The following DLG2 variants were observed in gnomAD, a reference collection of about 807,000 sequenced individuals.
The protein encoded by DLG2 is discs large MAGUK scaffold protein 2.
DLG2 carries 45 observed loss-of-function variants against 132.5 expected under a neutral mutation model. That is an observed-to-expected ratio of 0.34 (90% confidence interval 0.27 to 0.44). DLG2 has a LOEUF of 0.44. DLG2 is among the 20% of genes least tolerant of loss of function. The pLI is 1.00. For missense variants in DLG2, 1,045 were observed against 1,196.9 expected (o/e 0.87, Z 1.87); for synonymous variants, 424 against 419.6 (o/e 1.01, Z -0.13).
chr11:85,546,660 T>A (rs1201755917), intron 3 of DLG2, among the ~76,000 whole-genome samples: 1 of 152,196 alleles, frequency 6.6e-6, no homozygotes, highest in Non-Finnish European at 1.5e-5. Flanking sequence ...ACTTGTTTTA[T>A]GAATCTGGGT....
At position 83,753,891 on chromosome 11, in the gene DLG2, A is replaced by T. The variant is rs1023988708; in HGVS notation, c.1825+32799T>A. The stretch of plus-strand genomic sequence containing the variant: ...CATATATATGATATATATCATATAT[A>T]TCATATATATATTTCATATATATTT... On this transcript the variant is annotated intron_variant, in intron 18 of 27. Coordinates refer to ENST00000376104, the MANE Select transcript of DLG2 (RefSeq NM_001142699.3). Among the ~76,000 whole-genome samples the T allele has an allele frequency of 1.3e-4, 8 of 59,376 alleles. 1 individual carries two copies. Among genetic ancestry groups the T allele is most frequent in the Admixed American group, 6.5e-4 (3 of 4,626 alleles). 39.0% of individuals were successfully genotyped at this position (59,376 alleles called of 152,430 possible).
chr11:84,593,575 T>C (rs1208444590), intron 6 of DLG2, among the ~76,000 whole-genome samples: 1 of 152,096 alleles, frequency 6.6e-6, no homozygotes, highest in Non-Finnish European at 1.5e-5. Flanking sequence ...CATGTTCTCA[T>C]TCATAAGTGG....
At chr11:84,697,663 T>A (rs10898285) in intron 6 of DLG2, among the ~76,000 whole-genome samples, 2 of 151,158 alleles carry the variant, frequency 1.3e-5, no homozygotes, top group Non-Finnish European at 3.0e-5. Context: ...ACTATCATTA[T>A]CTCTATTTTA....
intron 11 of DLG2, among the ~76,000 whole-genome samples, chr11:84,051,307 A>G (rs1187444950): frequency 2.0e-5 from 3 of 151,992 alleles, no homozygotes; most frequent in Non-Finnish European, 2.9e-5. Flanking sequence ...TCGTGTTGCT[A>G]GAAAGACACA....
At chr11:85,597,677 A>G (rs1174525572) in intron 3 of DLG2, among the ~76,000 whole-genome samples, 1 of 151,694 alleles carries the variant, frequency 6.6e-6, no homozygotes, top group Non-Finnish European at 1.5e-5. Context: ...TTTTTATCAA[A>G]AAGTACAGAT....
chr11:84,717,577 A>C (rs1449001223), intron 6 of DLG2, among the ~76,000 whole-genome samples: 1 of 152,076 alleles, frequency 6.6e-6, no homozygotes, highest in African/African-American at 2.4e-5. Context: ...ACTTCATTTT[A>C]TGAATGTCAT....
chr11:85,004,291 C>A (rs2058455637), intron 6 of DLG2, among the ~76,000 whole-genome samples: 1 of 152,178 alleles, frequency 6.6e-6, no homozygotes, highest in Non-Finnish European at 1.5e-5. Context: ...TGAAGAATCG[C>A]CAAACTGCCT....
intron 5 of DLG2, among the ~76,000 whole-genome samples, chr11:85,119,250 C>T (rs527359930): frequency 3.3e-5 from 5 of 152,032 alleles, no homozygotes; most frequent in Non-Finnish European, 5.9e-5. Flanking sequence ...AAAACCGATT[C>T]TGCAGTCTGG....
intron 19 of DLG2, among the ~76,000 whole-genome samples, chr11:83,590,286 C>G (rs530294101): frequency 6.6e-6 from 1 of 152,262 alleles, no homozygotes; most frequent in African/African-American, 2.4e-5. Context: ...TTATAACAAA[C>G]AGTCTCTCAG....
chr11:83,692,083 G>GT (rs993741178), intron 18 of DLG2: 1 of 152,084 alleles, frequency 6.6e-6, no homozygotes, highest in African/African-American at 2.4e-5. Context: ...CCGGTAAGTG[G>GT]TAGATCTGAG....
intron 19 of DLG2, among the ~76,000 whole-genome samples, chr11:83,588,635 A>G (rs903963437): frequency 4.6e-5 from 7 of 151,768 alleles, no homozygotes; most frequent in Non-Finnish European, 1.0e-4. Context: ...ACAAAGCTGG[A>G]TGGAGAATGA....
intron 9 of DLG2, among the ~76,000 whole-genome samples, chr11:84,102,918 A>G (rs1326359386): frequency 6.6e-6 from 1 of 152,086 alleles, no homozygotes; most frequent in African/African-American, 2.4e-5. Flanking sequence ...TGGCTCTGGC[A>G]TTTTCTAATA....
intron 3 of DLG2, among the ~76,000 whole-genome samples, chr11:85,347,252 T>C (rs1175822841): frequency 6.6e-6 from 1 of 152,002 alleles, no homozygotes; most frequent in Non-Finnish European, 1.5e-5. Flanking sequence ...CCCCCTAAGC[T>C]TGTCTTGTTT....
chr11:84,563,251 T>C (rs1030133255), intron 6 of DLG2, among the ~76,000 whole-genome samples: 1 of 152,210 alleles, frequency 6.6e-6, no homozygotes, highest in Admixed American at 6.5e-5. Flanking sequence ...TCTCAAAACA[T>C]GATGGTGAGT....
chr11:83,591,833 T>C (rs1247252017), intron 19 of DLG2, among the ~76,000 whole-genome samples: 8 of 144,480 alleles, frequency 5.5e-5, no homozygotes, highest in Non-Finnish European at 1.2e-4. Flanking sequence ...TCACAAGCAT[T>C]CTTATACACC....
rs1327888424 is a variant in DLG2, at chr11:84,060,511, C to A, written c.750-1027G>T. ...TGCTTACTTTGAAAACTAAGAACCA[C>A]AACAAATTCTACATCAAACTTTCCT... On this transcript the variant is annotated intron_variant, in intron 10 of 27. Transcript: ENST00000376104. Among the ~76,000 whole-genome samples the A allele has an allele frequency of 4.2e-5, 6 of 144,318 alleles. No individual in the cohort carries two copies. The East Asian group carries it at 1.2e-3, about 30-fold the overall frequency. 94.7% of individuals were successfully genotyped at this position (144,318 alleles called of 152,430 possible).
intron 6 of DLG2, among the ~76,000 whole-genome samples, chr11:84,741,099 T>G (rs986123661): frequency 9.3e-5 from 13 of 140,396 alleles, no homozygotes; most frequent in African/African-American, 3.4e-4. Flanking sequence ...TGGAGTCTCG[T>G]TCTGTCGCCC....
intron 6 of DLG2, among the ~76,000 whole-genome samples, chr11:84,742,338 G>T (rs1482760873): frequency 6.6e-6 from 1 of 152,092 alleles, no homozygotes. Flanking sequence ...TTCTCTCTAA[G>T]TCACATTGTA....
chr11:84,129,596 G>A (rs918351220), intron 9 of DLG2, among the ~76,000 whole-genome samples: 2 of 152,096 alleles, frequency 1.3e-5, no homozygotes, highest in African/African-American at 2.4e-5. Context: ...TGTATGGTAA[G>A]AAAAGAAGTA....
Sources: gnomAD v4.1 joint callset for allele counts (sites outside exome capture counted in the v4.1 genomes callset) on GRCh38, gnomAD v4.1.1 for gene constraint, MANE v1.5 for transcripts, NCBI Gene and HGNC (gene_info 2026-07-23, HGNC 2026-07-21) for gene names.